TBC1D19: variants seen among roughly 807,000 people sequenced by gnomAD.
TBC1D19 encodes TBC1 domain family member 19, also known as TBC1 domain family, member 19.
Under a neutral mutation model 89.0 loss-of-function variants are expected in TBC1D19, and 60 were observed. That is an observed-to-expected ratio of 0.67 (90% CI 0.55 to 0.84). TBC1D19 has a LOEUF of 0.84. TBC1D19 is among the 40% of genes least tolerant of loss of function. The pLI is 0.00. For missense variants in TBC1D19, 500 were observed against 610.8 expected, an observed-to-expected ratio of 0.82 and a Z score of 1.91; for synonymous variants, 189 against 199.7, an observed-to-expected ratio of 0.95 and a Z score of 0.45.
the TBC1D19 span, among the ~76,000 whole-genome samples, chr4:26,834,803 C>T: frequency 6.6e-6 from 1 of 152,154 alleles, no homozygotes; most frequent in Admixed American, 6.5e-5. Context: ...ACCCCATCTA[C>T]GTTCATGTTT....
At chr4:26,645,148 A>G (rs573899253) in intron 7 of TBC1D19, among the ~76,000 whole-genome samples, 1 of 152,348 alleles carries the variant, frequency 6.6e-6, no homozygotes, top group Non-Finnish European at 1.5e-5. Flanking sequence ...GAATTGGAAA[A>G]AACTACTTTA....
the TBC1D19 span, among the ~76,000 whole-genome samples, chr4:26,841,385 C>CA: frequency 3.2e-4 from 35 of 110,246 alleles, no homozygotes; most frequent in South Asian, 9.1e-4. Flanking sequence ...GACTCTGTCT[C>CA]AAAAAAAAAA....
chr4:26,856,933 CTA>C, the TBC1D19 span, among the ~76,000 whole-genome samples: 5 of 152,196 alleles, frequency 3.3e-5, no homozygotes, highest in East Asian at 9.6e-4. Flanking sequence ...TTTTAAAAAA[CTA>C]TGTTAGTTAA....
chr4:26,685,190 G>A (rs1201486022), intron 12 of TBC1D19, among the ~76,000 whole-genome samples: 1 of 152,186 alleles, frequency 6.6e-6, no homozygotes, highest in African/African-American at 2.4e-5. Context: ...GTGGTGCTCT[G>A]GGCCACTGGG....
the TBC1D19 span, among the ~76,000 whole-genome samples, chr4:26,766,685 T>G: frequency 6.6e-6 from 1 of 152,208 alleles, no homozygotes; most frequent in Non-Finnish European, 1.5e-5. Context: ...CCCATATTTT[T>G]TGTTTAGATT....
At chr4:26,818,487 C>T in the TBC1D19 span, among the ~76,000 whole-genome samples, 1 of 152,140 alleles carries the variant, frequency 6.6e-6, no homozygotes, top group African/African-American at 2.4e-5. Context: ...AACTCCTGGG[C>T]TCAAACAGTC....
intron 1 of TBC1D19, among the ~76,000 whole-genome samples, chr4:26,593,318 C>T (rs559428719): frequency 1.2e-3 from 178 of 152,326 alleles, no homozygotes; most frequent in African/African-American, 4.1e-3. Context: ...CCCTTCCTTA[C>T]ACCTTATACT....
At chr4:26,817,981 A>AAATATATATAT in the TBC1D19 span, among the ~76,000 whole-genome samples, 49 of 126,044 alleles carry the variant, frequency 3.9e-4, no homozygotes, top group African/African-American at 1.7e-3. Context: ...AAAAAAAAAA[A>AAATATATATAT]ATATATATAT....
In TBC1D19 at chr4:26,720,136, T is replaced by C. The variant is rs1224649736; in HGVS notation, c.1084+11T>C. 2 of 1,584,692 alleles carry C rather than the reference T, an allele frequency of 1.3e-6. No homozygotes were observed. Among genetic ancestry groups the C allele is most frequent in the East Asian group, 2.3e-5 (1 of 43,946 alleles). On this transcript the variant is annotated intron_variant, in intron 15 of 20. Coordinates refer to ENST00000264866, the MANE Select transcript of TBC1D19 (RefSeq NM_018317.4). ...TTTACCCACCAAATGGTAAGAGTAA[T>C]GCTATTGCTTCCTCTAGTGGGAAGT...
At chr4:26,759,840 AT>A (rs1396316011), downstream of TBC1D19, among the ~76,000 whole-genome samples, 2 of 152,078 alleles carry the variant, frequency 1.3e-5, no homozygotes, top group Non-Finnish European at 2.9e-5. Context: ...GTATTTCACA[AT>A]TTTTTTATTT....
At chr4:26,824,717 A>G in the TBC1D19 span, among the ~76,000 whole-genome samples, 2 of 151,604 alleles carry the variant, frequency 1.3e-5, no homozygotes, top group African/African-American at 2.4e-5. Flanking sequence ...TCTTAGTATT[A>G]TGAACATCTG....
At chr4:26,614,106 A>G (rs1448060709) in intron 2 of TBC1D19, among the ~76,000 whole-genome samples, 1 of 152,192 alleles carries the variant, frequency 6.6e-6, no homozygotes, top group Non-Finnish European at 1.5e-5. Context: ...GAAGATTTTG[A>G]CATTCATTGA....
chr4:26,578,445 C>G (rs1739013386), intron 1 of TBC1D19, among the ~76,000 whole-genome samples: 1 of 151,914 alleles, frequency 6.6e-6, no homozygotes, highest in Non-Finnish European at 1.5e-5. Context: ...GCTAGGCCTT[C>G]AAGAGAACTG....
chr4:26,618,673 G>A (rs1741844785), intron 3 of TBC1D19, among the ~76,000 whole-genome samples: 1 of 152,152 alleles, frequency 6.6e-6, no homozygotes, highest in Admixed American at 6.6e-5. Flanking sequence ...TGTGTACCAG[G>A]CATTTTGCTC....
chr4:26,747,624 G>T lies in TBC1D19; in HGVS notation c.1320-787G>T, dbSNP rs567396883. 3.9e-5 allele frequency among the ~76,000 whole-genome samples: 6 copies of T among 152,184 alleles called. No homozygotes were observed. In the South Asian group the frequency reaches 1.0e-3, roughly 26 times the overall value. On this transcript the variant is annotated intron_variant, in intron 18 of 20. Transcript: ENST00000264866. ...AAACAGTTTAGCTAGTACCTGTCAG[G>T]GACAGTCAAGTGATATTAGATGCTA...
chr4:26,842,142 C>A, the TBC1D19 span, among the ~76,000 whole-genome samples: 30 of 151,872 alleles, frequency 2.0e-4, no homozygotes, highest in African/African-American at 7.3e-4. Context: ...AATTGTATAC[C>A]TGGTTCTGCC....
chr4:26,743,237 C>G (rs1718472214), intron 18 of TBC1D19, among the ~76,000 whole-genome samples: 1 of 152,060 alleles, frequency 6.6e-6, no homozygotes, highest in Non-Finnish European at 1.5e-5. Context: ...CCTGTCTTCT[C>G]TGTGCAGCTA....
the TBC1D19 span, among the ~76,000 whole-genome samples, chr4:26,787,966 T>A: frequency 5.9e-5 from 9 of 152,324 alleles, no homozygotes; most frequent in Non-Finnish European, 1.2e-4. Flanking sequence ...AACTCTCGGC[T>A]GACAGTTAAG....
At chr4:26,786,238 G>C in the TBC1D19 span, among the ~76,000 whole-genome samples, 1 of 152,166 alleles carries the variant, frequency 6.6e-6, no homozygotes, top group Non-Finnish European at 1.5e-5. Context: ...TGAGTGCTCA[G>C]TCATTAGCCA....
Sources: gnomAD v4.1 joint callset for allele counts (sites outside exome capture counted in the v4.1 genomes callset) on GRCh38, gnomAD v4.1.1 for gene constraint, MANE v1.5 for transcripts, NCBI Gene and HGNC (gene_info 2026-07-23, HGNC 2026-07-21) for gene names.